EHF: variants seen among roughly 807,000 people sequenced by gnomAD.
The protein encoded by EHF is ETS homologous factor, also known as ESE3 transcription factor.
Under a neutral mutation model 45.1 loss-of-function variants are expected in EHF, and 14 were observed. The ratio of observed to expected loss-of-function variants is 0.31; its 90% CI spans 0.21 to 0.49. The LOEUF is 0.49. Among genes scored for constraint, EHF ranks in the 20% least tolerant of loss-of-function variants. EHF has a pLI of 0.99. For synonymous variants in EHF, 136 were observed against 131.8 expected (o/e 1.03, Z -0.22); for missense variants, 282 against 371.4 (o/e 0.76, Z 1.98).
In EHF at chr11:34,631,041, T is replaced by G. The variant is rs1852845137; in HGVS notation, c.-4+9813T>G. 2.0e-5 allele frequency among the ~76,000 whole-genome samples: 3 copies of G among 152,298 alleles called. No homozygotes were observed. In the South Asian group the frequency reaches 6.2e-4, roughly 32 times the overall value. Reference sequence around the variant, plus strand: ...ATATTATATTATTTTATTTTTATTTTTATTTTTGAGATGGAGTCTTACTTG... The same window carrying G: ...ATATTATATTATTTTATTTTTATTTGTATTTTTGAGATGGAGTCTTACTTG... On this transcript the variant is annotated intron_variant, in intron 1 of 8. Transcript: ENST00000257831.
rs182933525 is a variant in EHF at position 34,653,698 on chromosome 11, T to A, written c.544+1893T>A. 7.4e-4 allele frequency among the ~76,000 whole-genome samples: 112 copies of A among 152,338 alleles called. 1 individual carries two copies. The highest frequency in any genetic ancestry group is 1.2e-3 in the Admixed American group (19 of 15,302). On this transcript the variant is annotated intron_variant, in intron 6 of 8. Coordinates refer to ENST00000257831, the MANE Select transcript of EHF (RefSeq NM_012153.6). ...TTAATTACAGCCTTATATGGGTCAG[T>A]TTCTTTCAGAATAGTTTATAGTCTC...
Position 34,661,076 on chromosome 11 carries a change from G to A in EHF, c.*2145G>A, listed in dbSNP as rs529509245. ...GAGAAAAAGAACAATGAACAGCAACGATCTTGACTGTGCAACTCAGACATT... is the reference window on the plus strand; with the variant it reads ...GAGAAAAAGAACAATGAACAGCAACAATCTTGACTGTGCAACTCAGACATT... On this transcript the variant is annotated 3_prime_UTR_variant, in exon 9 of 9. Transcript: ENST00000257831. The A allele has an allele frequency of 1.1e-4, 17 of 152,258 alleles. No homozygotes were observed. The highest frequency in any genetic ancestry group is 2.4e-4 in the Non-Finnish European group (16 of 67,996). The allele number at this position is 152,258 out of a possible 1,614,324, so 9.4% of individuals were successfully genotyped here. A position where few individuals can be genotyped will look rare whatever the true frequency, so the allele number is the denominator to read the frequency against.
At chr11:34,643,329 CCTGAATCAAGTTGAATCT>C in intron 2 of EHF, among the ~76,000 whole-genome samples, 1 of 151,954 alleles carries the variant, frequency 6.6e-6, no homozygotes, top group Non-Finnish European at 1.5e-5. Context: ...AAGTTGAATC[CCTGAATCAAGTTGAATCT>C]CTGAATCAAG....
intron 4 of EHF, among the ~76,000 whole-genome samples, chr11:34,650,513 T>C (rs972217632): frequency 1.5e-4 from 23 of 152,166 alleles, no homozygotes; most frequent in African/African-American, 5.6e-4. Context: ...TTTGTATCAT[T>C]TGTGCTATAA....
At chr11:34,653,329 C>T (rs1041564123) in intron 6 of EHF, among the ~76,000 whole-genome samples, 1 of 152,164 alleles carries the variant, frequency 6.6e-6, no homozygotes. Context: ...AGCTCTGCTG[C>T]CCTGACAGCT....
chr11:34,663,075 T>A lies in EHF; in HGVS notation c.*4144T>A, dbSNP rs1228402708. On this transcript the variant is annotated 3_prime_UTR_variant, in exon 9 of 9. Transcript: ENST00000257831. ...GTAGTTATCTGCATAATTCTTGTTTTTCTTTCCATCTGGCTCCTGGGTTGA... is the reference window on the plus strand; with the variant it reads ...GTAGTTATCTGCATAATTCTTGTTTATCTTTCCATCTGGCTCCTGGGTTGA... Among the ~76,000 whole-genome samples, 1 of 152,182 alleles carries A rather than the reference T, an allele frequency of 6.6e-6. No individual in the cohort carries two copies. Among genetic ancestry groups the A allele is most frequent in the Non-Finnish European group, 1.5e-5 (1 of 68,016 alleles).
chr11:34,635,958 G>A (rs567603136), intron 1 of EHF, among the ~76,000 whole-genome samples: 14 of 152,176 alleles, frequency 9.2e-5, no homozygotes, highest in Non-Finnish European at 2.1e-4. Context: ...ATAATGGTAC[G>A]TCTACACAGC....
rs769818474 is a variant in EHF at position 34,642,687 on chromosome 11, C to G, written c.57C>G (p.His19Gln). ...TCAACCCCGGCAACAACCTCCTTCA[C>G]CAGCCGCCAGCCTGGACAGACAGCT... Reference protein sequence around the residue: ...MNLNPGNNLLHQPPAWTDSYS... With the variant: ...MNLNPGNNLLQQPPAWTDSYS... The change falls in exon 2 of 9, where the codon CAC (histidine) becomes CAG (glutamine). Residue 19 changes from histidine to glutamine, a missense_variant. Around this residue, in one of 3 missense-constraint regions of EHF, gnomAD observed 213 missense variants for 247.3 expected, o/e 0.86. Transcript: ENST00000257831. 3.1e-6 allele frequency: 5 copies of G among 1,614,002 alleles called. No individual in the cohort carries two copies. The highest frequency in any genetic ancestry group is 4.2e-6 in the Non-Finnish European group (5 of 1,179,958).
chr11:34,653,368 T>TA (rs1221638677), intron 6 of EHF, among the ~76,000 whole-genome samples: 1 of 152,178 alleles, frequency 6.6e-6, no homozygotes, highest in Non-Finnish European at 1.5e-5. Context: ...CATCTTGACT[T>TA]ACACCTTCTA....
intron 2 of EHF, among the ~76,000 whole-genome samples, chr11:34,645,640 G>A (rs1247566433): frequency 6.6e-6 from 1 of 152,210 alleles, no homozygotes; most frequent in Non-Finnish European, 1.5e-5. Context: ...AGCAAGTTGG[G>A]GGGATTGGGA....
Position 34,659,832 on chromosome 11 carries a change from G to C in EHF, c.*901G>C, listed in dbSNP as rs954551873. ...TGCACAATTGACATTTTTGGCCGGA[G>C]TGTTCTTTGTGGTGAGGGCTTTCCT... is the stretch of plus-strand genomic sequence containing the variant. On this transcript the variant is annotated 3_prime_UTR_variant, in exon 9 of 9. Coordinates refer to ENST00000257831, the MANE Select transcript of EHF (RefSeq NM_012153.6). 7.9e-5 allele frequency: 12 copies of C among 152,190 alleles called. No homozygotes were observed. The highest frequency in any genetic ancestry group is 2.9e-4 in the African/African-American group (12 of 41,442). 9.4% of individuals were successfully genotyped at this position (152,190 alleles called of 1,614,324 possible).
intron 1 of EHF, among the ~76,000 whole-genome samples, chr11:34,625,255 C>T (rs1249625582): frequency 6.6e-6 from 1 of 152,152 alleles, no homozygotes; most frequent in Non-Finnish European, 1.5e-5. Flanking sequence ...GACAACATCC[C>T]AGCTTTGCCA....
At chr11:34,623,316 C>T (rs1222055784) in intron 1 of EHF, among the ~76,000 whole-genome samples, 1 of 152,102 alleles carries the variant, frequency 6.6e-6, no homozygotes, top group African/African-American at 2.4e-5. Flanking sequence ...GAACTCCTGA[C>T]CTCAGGTGAT....
At position 34,653,718 on chromosome 11, in the gene EHF, A is replaced by T. The variant is rs368980643; in HGVS notation, c.544+1913A>T. ...GTCAGTTTCTTTCAGAATAGTTTAT[A>T]GTCTCTACTGCATGGAAGCAGAACC... On this transcript the variant is annotated intron_variant, in intron 6 of 8. Coordinates refer to ENST00000257831, the MANE Select transcript of EHF (RefSeq NM_012153.6). Among the ~76,000 whole-genome samples, 920 of 152,326 alleles carry T rather than the reference A, an allele frequency of 6.0e-3. 11 individuals are homozygous for T. The highest frequency in any genetic ancestry group is 0.019 in the South Asian group (93 of 4,824).
chr11:34,624,265 A>C (rs1021942732), intron 1 of EHF: 8 of 985,062 alleles, frequency 8.1e-6, no homozygotes, highest in African/African-American at 1.7e-5. Context: ...CCACATTCTC[A>C]CCCTGCCTTT....
In EHF at chr11:34,662,084, A is replaced by G. The variant is rs1856120911; in HGVS notation, c.*3153A>G. On this transcript the variant is annotated 3_prime_UTR_variant, in exon 9 of 9. Coordinates refer to ENST00000257831, the MANE Select transcript of EHF (RefSeq NM_012153.6). ...TTTCTCAAAGTTCCTGCCTTGCTAG[A>G]CTGTTAGCTCTTTGAGGACAGGGAC... is the stretch of plus-strand genomic sequence containing the variant. 6.6e-6 allele frequency among the ~76,000 whole-genome samples: 1 copy of G among 152,104 alleles called. No homozygotes were observed. The highest frequency in any genetic ancestry group is 2.4e-5 in the African/African-American group (1 of 41,430).
At chr11:34,632,278 C>T (rs914737129) in intron 1 of EHF, among the ~76,000 whole-genome samples, 2 of 152,198 alleles carry the variant, frequency 1.3e-5, no homozygotes, top group East Asian at 3.8e-4. Flanking sequence ...AATAACTCTG[C>T]TGCCAACTCA....
intron 1 of EHF, among the ~76,000 whole-genome samples, chr11:34,635,680 A>C (rs1292384109): frequency 6.7e-6 from 1 of 148,870 alleles, no homozygotes; most frequent in Non-Finnish European, 1.5e-5. Context: ...CTTGCGTTTT[A>C]GACATGCTGC....
intron 6 of EHF, among the ~76,000 whole-genome samples, chr11:34,652,199 A>C (rs1590531334): frequency 6.6e-6 from 1 of 152,242 alleles, no homozygotes; most frequent in South Asian, 2.1e-4. Flanking sequence ...AGAATACCTC[A>C]TAGTAAAATT....
Sources: allele counts gnomAD v4.1 joint callset (sites outside exome capture counted in the v4.1 genomes callset), GRCh38; gene constraint gnomAD v4.1.1; regional missense constraint gnomAD v4.1.1; transcripts MANE v1.5; gene names NCBI Gene and HGNC (gene_info 2026-07-23, HGNC 2026-07-21).